The following CDK14 variants were observed in gnomAD, a reference collection of about 807,000 sequenced individuals.
The protein encoded by CDK14 is cyclin-dependent kinase 14.
A neutral mutation model predicts 60.7 loss-of-function variants in CDK14; 34 were observed. The observed-to-expected ratio is 0.56, with a 90% confidence interval of 0.43 to 0.75. The LOEUF is 0.75. Ranked by LOEUF, CDK14 falls within the 30% of genes least tolerant of loss-of-function variation. The pLI is 0.00. For synonymous variants in CDK14, 197 were observed against 203.7 expected (o/e 0.97, Z 0.28); for missense variants, 482 against 564.1 (o/e 0.85, Z 1.47).
chr7:90,718,738 C>T (rs778177417), intron 2 of CDK14, among the ~76,000 whole-genome samples: 11 of 152,074 alleles, frequency 7.2e-5, no homozygotes, highest in Non-Finnish European at 1.3e-4. Flanking sequence ...TACATACACA[C>T]GCATACTATT....
In CDK14 at chr7:90,863,252, CTTGTGTTTGAATATGTGG is replaced by C; in HGVS notation, c.624_639+2del. On this transcript the variant is annotated splice_donor_variant and coding_sequence_variant, in exon 6 of 15. Coordinates refer to ENST00000380050, the MANE Select transcript of CDK14 (RefSeq NM_001287135.2). LOFTEE classifies it high-confidence loss of function. ...CATCCATACCAAGGAGACGCTGACA[CTTGTGTTTGAATATGTGG>C]TAAGTAAAATAAGACTTTTAAATTT... 1 of 1,591,196 alleles carries C rather than the reference CTTGTGTTTGAATATGTGG, an allele frequency of 6.3e-7. No individual in the cohort carries two copies. Among genetic ancestry groups the C allele is most frequent in the Non-Finnish European group, 8.6e-7 (1 of 1,160,478 alleles).
chr7:90,799,287 C>T (rs1584903218), intron 5 of CDK14, among the ~76,000 whole-genome samples: 1 of 152,154 alleles, frequency 6.6e-6, no homozygotes, highest in African/African-American at 2.4e-5. Flanking sequence ...TTAACACTCA[C>T]AAAACCCTCT....
At chr7:90,986,417 A>G (rs987639245) in intron 10 of CDK14, among the ~76,000 whole-genome samples, 10 of 151,886 alleles carry the variant, frequency 6.6e-5, no homozygotes, top group African/African-American at 2.2e-4. Flanking sequence ...CATGAAACCT[A>G]CTCCCAAGAA....
intron 12 of CDK14, among the ~76,000 whole-genome samples, chr7:91,101,868 T>C (rs1287331109): frequency 6.6e-6 from 1 of 152,174 alleles, no homozygotes; most frequent in Non-Finnish European, 1.5e-5. Flanking sequence ...GTAAGTCATT[T>C]TTTGAAAAAC....
At chr7:91,029,302 G>A (rs766014455) in intron 10 of CDK14, among the ~76,000 whole-genome samples, 3 of 151,822 alleles carry the variant, frequency 2.0e-5, no homozygotes, top group Non-Finnish European at 2.9e-5. Flanking sequence ...GACTATTTCC[G>A]TCTTTTTTGG....
chr7:91,151,847 A>G (rs957768853), intron 14 of CDK14, among the ~76,000 whole-genome samples: 4 of 152,178 alleles, frequency 2.6e-5, no homozygotes, highest in African/African-American at 4.8e-5. Flanking sequence ...TTGCCCACCT[A>G]TGATGTAATG....
At chr7:90,681,007 T>C (rs1194458387) in intron 2 of CDK14, among the ~76,000 whole-genome samples, 2 of 152,192 alleles carry the variant, frequency 1.3e-5, no homozygotes, top group Non-Finnish European at 2.9e-5. Flanking sequence ...AGATAGTACA[T>C]TGTGGAGTTT....
At chr7:91,008,246 G>A (rs1056294046) in intron 10 of CDK14, among the ~76,000 whole-genome samples, 1 of 151,816 alleles carries the variant, frequency 6.6e-6, no homozygotes, top group East Asian at 1.9e-4. Flanking sequence ...CTAACTCAAG[G>A]TGAAGCCAGC....
intron 2 of CDK14, among the ~76,000 whole-genome samples, chr7:90,722,650 G>A (rs1240662431): frequency 3.3e-5 from 5 of 151,798 alleles, no homozygotes; most frequent in East Asian, 1.9e-4. Context: ...AGGGAAAGGC[G>A]GCCCTCTTCT....
chr7:91,206,010 G>C (rs992813438), intron 14 of CDK14, among the ~76,000 whole-genome samples: 2 of 152,128 alleles, frequency 1.3e-5, no homozygotes, highest in African/African-American at 4.8e-5. Flanking sequence ...TGGCCAGGAT[G>C]GTCTCCATCT....
intron 12 of CDK14, among the ~76,000 whole-genome samples, chr7:91,091,158 G>A (rs1009147148): frequency 6.6e-6 from 1 of 151,198 alleles, no homozygotes; most frequent in Non-Finnish European, 1.5e-5. Flanking sequence ...CACTTTGAGA[G>A]GCCAAGGTGG....
At chr7:90,628,382 C>T (rs1354867964) in intron 2 of CDK14, among the ~76,000 whole-genome samples, 1 of 152,208 alleles carries the variant, frequency 6.6e-6, no homozygotes, top group Non-Finnish European at 1.5e-5. Flanking sequence ...ACTCCTCAAT[C>T]ACTTCCAAGT....
chr7:90,636,801 G>A lies in CDK14; in HGVS notation c.123+32552G>A, dbSNP rs185104126. On this transcript the variant is annotated intron_variant, in intron 2 of 14. Transcript: ENST00000380050. ...GGTTGGTAAGCTATTGATTATTGCC[G>A]CAATTTTGGATCCTGTTATTAGTCT... 1.2e-3 allele frequency among the ~76,000 whole-genome samples: 177 copies of A among 152,220 alleles called. 1 individual carries two copies. The highest frequency in any genetic ancestry group is 3.2e-3 in the African/African-American group (133 of 41,548).
chr7:90,672,720 C>G (rs1473246110), intron 2 of CDK14, among the ~76,000 whole-genome samples: 2 of 151,706 alleles, frequency 1.3e-5, no homozygotes, highest in African/African-American at 4.8e-5. Flanking sequence ...GATGGGGTCT[C>G]ACTATGTTCA....
intron 5 of CDK14, among the ~76,000 whole-genome samples, chr7:90,809,351 C>T (rs146841043): frequency 9.5e-4 from 144 of 152,262 alleles, no homozygotes; most frequent in African/African-American, 3.2e-3. Flanking sequence ...GGAAACTGAA[C>T]AACCTGCTCC....
chr7:90,983,191 A>C (rs1374103175), intron 9 of CDK14, among the ~76,000 whole-genome samples: 1 of 152,220 alleles, frequency 6.6e-6, no homozygotes, highest in Admixed American at 6.5e-5. Flanking sequence ...CAACCCAGCA[A>C]TCTCATAACT....
At chr7:90,912,447 G>A (rs1450673573) in intron 7 of CDK14, among the ~76,000 whole-genome samples, 2 of 152,178 alleles carry the variant, frequency 1.3e-5, no homozygotes, top group Non-Finnish European at 2.9e-5. Flanking sequence ...TTAAGATAAT[G>A]AGGTGTGGTG....
chr7:91,034,923 T>TACAC (rs112903211), intron 10 of CDK14, among the ~76,000 whole-genome samples: 2 of 136,276 alleles, frequency 1.5e-5, no homozygotes, highest in South Asian at 2.5e-4. Context: ...CACACCTGTG[T>TACAC]ACACACACAC....
Position 91,118,927 on chromosome 7 carries a change from G to A in CDK14, c.*28+719G>A, listed in dbSNP as rs555078851. Reference sequence around the variant, plus strand: ...CAGCCTGGCCCAGTCATCACATCACGTGTGCTACGTAGTGACCAGCCTGGG... The same window carrying A: ...CAGCCTGGCCCAGTCATCACATCACATGTGCTACGTAGTGACCAGCCTGGG... On this transcript the variant is annotated intron_variant, in intron 14 of 14. Coordinates refer to ENST00000380050, the MANE Select transcript of CDK14 (RefSeq NM_001287135.2). Among the ~76,000 whole-genome samples, 3 of 152,206 alleles carry A rather than the reference G, an allele frequency of 2.0e-5. No individual in the cohort carries two copies. In the South Asian group the frequency reaches 6.2e-4, roughly 32 times the overall value.
Sources: gnomAD v4.1 joint callset for allele counts (sites outside exome capture counted in the v4.1 genomes callset) on GRCh38, gnomAD v4.1.1 for gene constraint, MANE v1.5 for transcripts, NCBI Gene and HGNC (gene_info 2026-07-23, HGNC 2026-07-21) for gene names.